Variants in PPP4R3A observed in about 807,000 individuals in gnomAD.
The protein encoded by PPP4R3A is serine/threonine-protein phosphatase 4 regulatory subunit 3A.
Under a neutral mutation model 91.7 loss-of-function variants are expected in PPP4R3A, and 15 were observed. The ratio of observed to expected loss-of-function variants is 0.16; its 90% CI spans 0.11 to 0.25. The LOEUF (loss-of-function observed/expected upper bound fraction) is 0.25. Ranked by LOEUF, PPP4R3A falls within the 10% of genes least tolerant of loss-of-function variation. The probability of loss-of-function intolerance (pLI) is 1.00; values close to 1 mark genes in which losing one functional copy is unlikely to be tolerated. For missense variants in PPP4R3A, 623 were observed against 998.4 expected (o/e 0.62, Z 5.07); for synonymous variants, 377 against 348.7 (o/e 1.08, Z -0.91).
At chr14:91,486,920 A>AT (rs772968064) in intron 2 of PPP4R3A, among the ~76,000 whole-genome samples, 1 of 147,164 alleles carries the variant, frequency 6.8e-6, no homozygotes, top group Non-Finnish European at 1.5e-5. Context: ...AAAAAAAAAA[A>AT]AAAATAGAGA....
rs1887920886 is a variant in PPP4R3A at position 91,458,684 on chromosome 14, T to C, written c.*75A>G. 6.2e-7 allele frequency: 1 copy of C among 1,607,920 alleles called. No individual in the cohort carries two copies. The highest frequency in any genetic ancestry group is 1.7e-5 in the Admixed American group (1 of 60,008). Reference sequence around the variant, plus strand: ...ATTCACAAGAGACCACTGCGCTTTGTTGTGGATTTTGTATGGGGGAGGGGT... The same window carrying C: ...ATTCACAAGAGACCACTGCGCTTTGCTGTGGATTTTGTATGGGGGAGGGGT... On this transcript the variant is annotated 3_prime_UTR_variant, in exon 15 of 15. Coordinates refer to ENST00000554943, the MANE Select transcript of PPP4R3A (RefSeq NM_001366432.2).
chr14:91,460,637 C>CTTTTT (rs573677740), intron 14 of PPP4R3A, among the ~76,000 whole-genome samples: 1,731 of 111,184 alleles, frequency 0.016, 98 homozygotes, highest in Admixed American at 0.054. Flanking sequence ...GATTTTGTTC[C>CTTTTT]TTTTTTTTTT....
At chr14:91,481,525 T>C (rs574932923) in intron 4 of PPP4R3A, 51 bp downstream of exon 4, 55 of 1,489,112 alleles carry the variant, frequency 3.7e-5, no homozygotes, top group Admixed American at 3.5e-4. Flanking sequence ...AAGGAGCAAA[T>C]TGTTTTCGCT....
At chr14:91,492,757 T>C (rs896911588) in intron 1 of PPP4R3A, among the ~76,000 whole-genome samples, 14 of 152,240 alleles carry the variant, frequency 9.2e-5, no homozygotes, top group Admixed American at 2.6e-4. Flanking sequence ...GACGCTCAGA[T>C]AAGCATTCTC....
Position 91,481,859 on chromosome 14 carries a change from A to G in PPP4R3A, c.632T>C (p.Met211Thr), listed in dbSNP as rs1889575153. ...LLNRTALFEV[M>T]FSEECIMDVI... ...GTCCATTATACATTCTTCAGAGAAC[A>G]TAACTTCAAAAAGAGCAGTTCGATT... Residue 211 changes from methionine to threonine, a missense_variant, in exon 4 of 15, where the codon ATG becomes ACG. This residue lies in a region of PPP4R3A where 264 missense variants were observed against 377.3 expected (regional missense o/e 0.70). Coordinates refer to ENST00000554943, the MANE Select transcript of PPP4R3A (RefSeq NM_001366432.2). 9.3e-6 allele frequency: 15 copies of G among 1,614,086 alleles called. No homozygotes were observed. Among genetic ancestry groups the G allele is most frequent in the African/African-American group, 2.7e-5 (2 of 74,944 alleles).
At chr14:91,490,441 T>TAACTGTG (rs778337598) in intron 2 of PPP4R3A, among the ~76,000 whole-genome samples, 1 of 152,200 alleles carries the variant, frequency 6.6e-6, no homozygotes, top group Non-Finnish European at 1.5e-5. Context: ...TTTCACCATT[T>TAACTGTG]AACTGTGTTT....
chr14:91,474,487 G>A (rs972257232), intron 7 of PPP4R3A, among the ~76,000 whole-genome samples: 2 of 151,684 alleles, frequency 1.3e-5, no homozygotes, highest in South Asian at 2.1e-4. Context: ...TTATTCTGTT[G>A]CAAAACAGGA....
At chr14:91,458,935 G>A in intron 14 of PPP4R3A, 66 bp from the exon 15 acceptor site, 1 of 1,492,506 alleles carries the variant, frequency 6.7e-7, no homozygotes. Flanking sequence ...GGTGTTTTCT[G>A]GCTGGAGAAA....
intron 1 of PPP4R3A, among the ~76,000 whole-genome samples, chr14:91,504,994 C>A (rs757819398): frequency 1.3e-5 from 2 of 152,126 alleles, no homozygotes; most frequent in Non-Finnish European, 2.9e-5. Context: ...CTTTCTATAC[C>A]CATGCTAACA....
At chr14:91,461,207 T>C (rs77309195) in intron 14 of PPP4R3A, among the ~76,000 whole-genome samples, 174 bp downstream of exon 14, 2,140 of 152,252 alleles carry the variant, frequency 0.014, 45 homozygotes, top group Admixed American at 0.061. Context: ...AAAAAAACTT[T>C]CAGAAATTTC....
intron 1 of PPP4R3A, among the ~76,000 whole-genome samples, chr14:91,505,933 T>C (rs893211429): frequency 4.0e-5 from 6 of 149,696 alleles, no homozygotes; most frequent in Non-Finnish European, 7.4e-5. Flanking sequence ...AGCTTGTAGA[T>C]AAACTATAAT....
intron 14 of PPP4R3A, among the ~76,000 whole-genome samples, chr14:91,460,014 G>A (rs1057392134): frequency 1.3e-4 from 19 of 151,702 alleles, no homozygotes; most frequent in African/African-American, 3.9e-4. Context: ...ACTGCCGCTT[G>A]CTTTATTTAT....
chr14:91,469,198 T>A (rs1888689689), intron 10 of PPP4R3A, among the ~76,000 whole-genome samples: 1 of 151,538 alleles, frequency 6.6e-6, no homozygotes, highest in African/African-American at 2.4e-5. Flanking sequence ...AGCGTTCCAA[T>A]AATGGAACAC....
intron 4 of PPP4R3A, among the ~76,000 whole-genome samples, chr14:91,480,645 T>C (rs922774276): frequency 6.6e-6 from 1 of 152,208 alleles, no homozygotes; most frequent in African/African-American, 2.4e-5. Context: ...TTCTCTTGGC[T>C]TTGTGCTTCA....
At chr14:91,483,666 G>C (rs1270277415) in intron 3 of PPP4R3A, among the ~76,000 whole-genome samples, 2 of 151,110 alleles carry the variant, frequency 1.3e-5, no homozygotes, top group African/African-American at 4.8e-5. Context: ...ATATCTCAGA[G>C]AGCAAAATGT....
At chr14:91,509,029 TAAAAAGAAAAACAA>T (rs1223971397) in intron 1 of PPP4R3A, among the ~76,000 whole-genome samples, 3 of 152,106 alleles carry the variant, frequency 2.0e-5, no homozygotes, top group African/African-American at 7.2e-5. Flanking sequence ...AAAAGATGTT[TAAAAAGAAAAACAA>T]AAAAAGCACA....
chr14:91,483,951 G>A (rs1448543336), intron 3 of PPP4R3A, among the ~76,000 whole-genome samples: 2 of 152,196 alleles, frequency 1.3e-5, no homozygotes, highest in African/African-American at 4.8e-5. Context: ...TTGGCATAAA[G>A]GAAGACTGTA....
intron 1 of PPP4R3A, among the ~76,000 whole-genome samples, chr14:91,497,954 A>G (rs897903889): frequency 3.3e-5 from 5 of 152,126 alleles, no homozygotes; most frequent in African/African-American, 1.2e-4. Context: ...TAATTCTCTC[A>G]GAGTCTACAC....
rs1171916182 is a variant in PPP4R3A at position 91,465,323 on chromosome 14, G to A, written c.1757C>T (p.Ala586Val). The change falls in exon 11 of 15, where the codon GCA becomes GTA. Residue 586 changes from alanine (A) to valine (V), a missense_variant. Physicochemically the swap from Ala to Val is moderately conservative, Grantham distance 64. Transcript: ENST00000554943. ...GTAGCGGGATCCATTGTTGAGAAAT[G>A]CTTTCACTACTGGTTCAAACAAAAA... ...KSFLFEPVVK[A>V]FLNNGSRYNL... 1 of 1,609,544 alleles carries A rather than the reference G, an allele frequency of 6.2e-7. No individual in the cohort carries two copies. The highest frequency in any genetic ancestry group is 1.7e-4 in the Middle Eastern group (1 of 6,038).
Sources: allele counts gnomAD v4.1 joint callset (sites outside exome capture counted in the v4.1 genomes callset), GRCh38; gene constraint gnomAD v4.1.1; regional missense constraint gnomAD v4.1.1; transcripts MANE v1.5; gene names NCBI Gene and HGNC (gene_info 2026-07-23, HGNC 2026-07-21).